The following ST6GALNAC3 variants were observed in gnomAD, a reference collection of about 807,000 sequenced individuals.
ST6GALNAC3 encodes alpha-N-acetylgalactosaminide alpha-2,6-sialyltransferase 3.
In ST6GALNAC3, 25 loss-of-function variants were observed where a neutral mutation model predicts 32.7. The ratio of observed to expected loss-of-function variants is 0.76; its 90% CI spans 0.56 to 1.07. ST6GALNAC3 has a LOEUF of 1.07. ST6GALNAC3 is among the 50% of genes least tolerant of loss of function. The pLI is 0.00. For missense variants in ST6GALNAC3, 355 were observed against 382.4 expected, an observed-to-expected ratio of 0.93 and a Z score of 0.60; for synonymous variants, 129 against 133.1, an observed-to-expected ratio of 0.97 and a Z score of 0.21.
At position 76,631,318 on chromosome 1, in the gene ST6GALNAC3, C is replaced by T. The variant is rs75167095; in HGVS notation, c.*2512C>T. 17 of 136,076 alleles carry T rather than the reference C, an allele frequency of 1.2e-4. No homozygotes were observed. The East Asian group carries it at 2.0e-3, about 16-fold the overall frequency. The allele number at this position is 136,076 out of a possible 1,614,324, so 8.4% of individuals were successfully genotyped here. On this transcript the variant is annotated 3_prime_UTR_variant, in exon 5 of 5. Coordinates refer to ENST00000328299, the MANE Select transcript of ST6GALNAC3 (RefSeq NM_152996.4). ...AACAGGAAACAAAAAAAAAAAAAAA[C>T]AAGTTTTTCTCAATTTGGAGACTCA... is the stretch of plus-strand genomic sequence containing the variant.
intron 1 of ST6GALNAC3, among the ~76,000 whole-genome samples, chr1:76,232,345 AG>A (rs895585023): frequency 5.3e-5 from 8 of 152,082 alleles, no homozygotes; most frequent in Admixed American, 5.2e-4. Context: ...GTGGTGTTGG[AG>A]GGAATAGTAC....
intron 3 of ST6GALNAC3, among the ~76,000 whole-genome samples, chr1:76,579,722 G>A (rs997002919): frequency 7.2e-5 from 11 of 151,932 alleles, no homozygotes; most frequent in African/African-American, 2.7e-4. Flanking sequence ...GCATCCCCAC[G>A]ATATAGCTTA....
chr1:76,251,018 C>T lies in ST6GALNAC3; in HGVS notation c.19-62787C>T, dbSNP rs934632951. ...TTCTGGGCTTCATCCTGAATTTCCC[C>T]GGCCTGTCACACATCTTTACATAGA... On this transcript the variant is annotated intron_variant, in intron 1 of 4. Coordinates refer to ENST00000328299, the MANE Select transcript of ST6GALNAC3 (RefSeq NM_152996.4). Among the ~76,000 whole-genome samples the T allele has an allele frequency of 5.9e-5, 9 of 152,084 alleles. No homozygotes were observed. In the East Asian group the frequency reaches 9.6e-4, roughly 16 times the overall value.
intron 3 of ST6GALNAC3, among the ~76,000 whole-genome samples, chr1:76,464,419 GCCTTCATTGTTAA>G (rs1458673100): frequency 6.6e-6 from 1 of 152,184 alleles, no homozygotes; most frequent in East Asian, 1.9e-4. Flanking sequence ...ATAGGTCAGA[GCCTTCATTGTTAA>G]TTACCTAGTT....
rs541317803 is a variant in ST6GALNAC3, at chr1:76,538,995, T to C, written c.624-88457T>C. ...CCCATTAAATTACCATTGATGTTCT[T>C]CATCGAATGAGAAAATACTACTTTA... On this transcript the variant is annotated intron_variant, in intron 3 of 4. Transcript: ENST00000328299. 2.0e-5 allele frequency among the ~76,000 whole-genome samples: 3 copies of C among 152,266 alleles called. No individual in the cohort carries two copies. The South Asian group carries it at 6.2e-4, about 32-fold the overall frequency.
intron 2 of ST6GALNAC3, among the ~76,000 whole-genome samples, chr1:76,376,921 G>T (rs1482693796): frequency 6.6e-6 from 1 of 151,830 alleles, no homozygotes; most frequent in Non-Finnish European, 1.5e-5. Context: ...TCTCTTAGTG[G>T]TTACTCTAGG....
At chr1:76,583,627 A>G (rs1016388247) in intron 3 of ST6GALNAC3, among the ~76,000 whole-genome samples, 3 of 152,146 alleles carry the variant, frequency 2.0e-5, no homozygotes, top group South Asian at 4.1e-4. Context: ...TGATTTAACA[A>G]AAATGAAAGA....
chr1:76,114,917 C>CA (rs542571151), intron 1 of ST6GALNAC3, among the ~76,000 whole-genome samples: 24,447 of 78,474 alleles, frequency 0.31, 2,369 homozygotes, highest in Admixed American at 0.32. Context: ...GACCTTGTCT[C>CA]AAAAAAAAAA....
intron 3 of ST6GALNAC3, among the ~76,000 whole-genome samples, chr1:76,580,598 C>A (rs759951199): frequency 1.8e-4 from 27 of 152,112 alleles, no homozygotes; most frequent in Non-Finnish European, 2.9e-4. Context: ...AGCCCCTTAG[C>A]CCCAGGTAGC....
chr1:76,105,345 T>C (rs2100786546), intron 1 of ST6GALNAC3, among the ~76,000 whole-genome samples: 1 of 152,358 alleles, frequency 6.6e-6, no homozygotes, highest in Middle Eastern at 3.4e-3. Context: ...TGGTTACTGC[T>C]GTCCTGAGCT....
At chr1:76,391,725 C>T (rs887603103) in intron 2 of ST6GALNAC3, among the ~76,000 whole-genome samples, 1 of 152,108 alleles carries the variant, frequency 6.6e-6, no homozygotes, top group Non-Finnish European at 1.5e-5. Context: ...TATTTCTCTA[C>T]CAGTTCATAT....
chr1:76,179,437 C>T (rs898965233), intron 1 of ST6GALNAC3, among the ~76,000 whole-genome samples: 1 of 152,194 alleles, frequency 6.6e-6, no homozygotes, highest in Non-Finnish European at 1.5e-5. Context: ...CCATTGTCAA[C>T]ATCTGGGTCT....
chr1:76,104,001 C>G (rs1452200090), intron 1 of ST6GALNAC3, among the ~76,000 whole-genome samples: 2 of 152,012 alleles, frequency 1.3e-5, no homozygotes, highest in East Asian at 3.9e-4. Context: ...TTGGGGCCAC[C>G]TTTTAGCCTG....
chr1:76,144,492 G>A (rs1001930751), intron 1 of ST6GALNAC3, among the ~76,000 whole-genome samples: 1 of 152,164 alleles, frequency 6.6e-6, no homozygotes, highest in Non-Finnish European at 1.5e-5. Context: ...CATTTGTTCA[G>A]TCATTCAACA....
rs1314991298 is a variant in ST6GALNAC3, at chr1:76,474,948, A to T, written c.623+62531A>T. On this transcript the variant is annotated intron_variant, in intron 3 of 4. Transcript: ENST00000328299. ...TCATTCAAGAGTCCTCCCTTTAAATAGCACCAAATGAAAATAAGAAACCCT... is the reference window on the plus strand; with the variant it reads ...TCATTCAAGAGTCCTCCCTTTAAATTGCACCAAATGAAAATAAGAAACCCT... Among the ~76,000 whole-genome samples the T allele has an allele frequency of 2.0e-5, 3 of 152,288 alleles. No homozygotes were observed. The East Asian group carries it at 5.8e-4, about 29-fold the overall frequency.
chr1:76,151,275 G>GC (rs1651023529), intron 1 of ST6GALNAC3, among the ~76,000 whole-genome samples: 1 of 152,182 alleles, frequency 6.6e-6, no homozygotes, highest in East Asian at 1.9e-4. Flanking sequence ...AAACAGGGGG[G>GC]CAAGGGGTGA....
At chr1:76,127,890 C>G (rs1018189449) in intron 1 of ST6GALNAC3, among the ~76,000 whole-genome samples, 2 of 152,178 alleles carry the variant, frequency 1.3e-5, no homozygotes, top group Non-Finnish European at 2.9e-5. Flanking sequence ...CATCTGCAGT[C>G]TTTACTCTCA....
intron 1 of ST6GALNAC3, among the ~76,000 whole-genome samples, chr1:76,221,718 G>C (rs67757470): frequency 0.058 from 8,755 of 152,138 alleles, 236 homozygotes; most frequent in East Asian, 0.099. Context: ...GTATGATAAT[G>C]AATTTTTTTC....
chr1:76,488,976 T>C (rs1000863966), intron 3 of ST6GALNAC3, among the ~76,000 whole-genome samples: 3 of 152,208 alleles, frequency 2.0e-5, no homozygotes, highest in African/African-American at 7.2e-5. Flanking sequence ...CAGTCAGAAT[T>C]TCAGCATTTC....
Sources: allele counts gnomAD v4.1 joint callset (sites outside exome capture counted in the v4.1 genomes callset), GRCh38; gene constraint gnomAD v4.1.1; transcripts MANE v1.5; gene names NCBI Gene and HGNC (gene_info 2026-07-23, HGNC 2026-07-21).